The following QPRT variants were observed in gnomAD, a reference collection of about 807,000 sequenced individuals.
The protein encoded by QPRT is nicotinate-nucleotide pyrophosphorylase [carboxylating].
QPRT carries 17 observed loss-of-function variants against 19.8 expected under a neutral mutation model. The observed-to-expected ratio is 0.86, with a 90% confidence interval of 0.59 to 1.29. QPRT has a LOEUF of 1.29. Among genes scored for constraint, QPRT ranks in the 50% most tolerant of loss-of-function variants. QPRT has a pLI of 0.00. For synonymous variants in QPRT, 178 were observed against 191.0 expected (o/e 0.93, Z 0.56); for missense variants, 336 against 405.1 (o/e 0.83, Z 1.46).
At position 29,694,947 on chromosome 16, in the gene QPRT, G is replaced by T. The variant is rs753302206; in HGVS notation, c.297G>T (p.Leu99=). The T allele has an allele frequency of 5.3e-5, 85 of 1,611,578 alleles. No individual in the cohort carries two copies. The highest frequency in any genetic ancestry group is 6.3e-5 in the Non-Finnish European group (74 of 1,179,708). ...EVRGPAHCLL[L]GERVALNTLA... ...GGGGCCCTGCCCACTGCCTGCTGCT[G>T]GGGGAACGGGTGGCCCTCAACACGC... The change falls in exon 2 of 4, where the codon CTG becomes CTT. Residue 99 remains leucine, a synonymous_variant. Coordinates refer to ENST00000395384, the MANE Select transcript of QPRT (RefSeq NM_014298.6).
chr16:29,681,625 T>C (rs951344937), intron 1 of QPRT, among the ~76,000 whole-genome samples: 1 of 149,982 alleles, frequency 6.7e-6, no homozygotes, highest in Non-Finnish European at 1.5e-5. Flanking sequence ...GCCTCACGAG[T>C]AGCTGGGACT....
At chr16:29,685,910 G>T (rs981434034) in intron 1 of QPRT, among the ~76,000 whole-genome samples, 3 of 152,062 alleles carry the variant, frequency 2.0e-5, no homozygotes, top group African/African-American at 7.2e-5. Context: ...GCCTAGGCTG[G>T]AATACAATGG....
intron 2 of QPRT, 68 bp from the exon 3 acceptor site, chr16:29,696,928 G>T: frequency 6.7e-7 from 1 of 1,500,364 alleles, no homozygotes; most frequent in Non-Finnish European, 8.9e-7. Flanking sequence ...TCGCCCTCCC[G>T]GCTCCCTGCG....
chr16:29,690,736 CT>C (rs1194235147), intron 1 of QPRT, among the ~76,000 whole-genome samples: 6 of 152,250 alleles, frequency 3.9e-5, no homozygotes, highest in African/African-American at 1.4e-4. Context: ...GTGGTCCAGG[CT>C]GGAGTGCAGC....
At chr16:29,689,070 C>T (rs180786516) in intron 1 of QPRT, among the ~76,000 whole-genome samples, 11 of 152,064 alleles carry the variant, frequency 7.2e-5, no homozygotes, top group Middle Eastern at 3.4e-3. Context: ...CGTGAGCCAC[C>T]GCGCCCAGCC....
intron 1 of QPRT, among the ~76,000 whole-genome samples, chr16:29,694,408 C>T (rs549354504): frequency 3.0e-4 from 46 of 152,198 alleles, no homozygotes; most frequent in African/African-American, 9.6e-4. Context: ...CGTGAGCCAC[C>T]GCGCCCGGCC....
chr16:29,692,248 CTTATTTAT>C (rs113592039), intron 1 of QPRT, among the ~76,000 whole-genome samples: 137,019 of 151,080 alleles, frequency 0.91, 63,372 homozygotes, highest in Non-Finnish European at 1. Context: ...GTCCACTATC[CTTATTTAT>C]TTATTTATTT....
intron 1 of QPRT, among the ~76,000 whole-genome samples, chr16:29,680,400 C>T (rs971097215): frequency 2.6e-5 from 4 of 152,128 alleles, no homozygotes; most frequent in African/African-American, 9.7e-5. Flanking sequence ...AGGTCATGTT[C>T]ACTGGCCTGG....
At chr16:29,689,721 A>G (rs1243382300) in intron 1 of QPRT, among the ~76,000 whole-genome samples, 1 of 152,052 alleles carries the variant, frequency 6.6e-6, no homozygotes, top group African/African-American at 2.4e-5. Flanking sequence ...AACTGTTGTT[A>G]TCTATAGATT....
Position 29,694,690 on chromosome 16 carries a change from A to G in QPRT, c.40A>G (p.Thr14Ala). The G allele has an allele frequency of 1.3e-6, 2 of 1,550,658 alleles. No individual in the cohort carries two copies. The highest frequency in any genetic ancestry group is 1.7e-6 in the Non-Finnish European group (2 of 1,147,652). Residue 14 changes from threonine to alanine, a missense_variant, in exon 2 of 4, where the codon ACC (threonine) becomes GCC (alanine). Thr to Ala is a moderately conservative substitution (Grantham distance 58). Coordinates refer to ENST00000395384, the MANE Select transcript of QPRT (RefSeq NM_014298.6). ...EGLALLLPPV[T>A]LAALVDSWLR... ...CCTGGCGCTGCTGCTGCCGCCCGTC[A>G]CCCTGGCAGCCCTGGTGGACAGCTG...
At chr16:29,696,781 AAAAAC>A (rs1476064238) in intron 2 of QPRT, 2 of 534,004 alleles carry the variant, frequency 3.7e-6, no homozygotes, top group East Asian at 6.9e-5. Context: ...ACCCTGTCTC[AAAAAC>A]AAAACAAAGC....
chr16:29,693,200 G>A (rs971523766), intron 1 of QPRT, among the ~76,000 whole-genome samples: 1 of 151,978 alleles, frequency 6.6e-6, no homozygotes, highest in East Asian at 1.9e-4. Flanking sequence ...TCACCCTGTT[G>A]TGCTAGCAAA....
At chr16:29,685,480 A>C (rs1176723788) in intron 1 of QPRT, among the ~76,000 whole-genome samples, 2 of 152,074 alleles carry the variant, frequency 1.3e-5, no homozygotes, top group African/African-American at 2.4e-5. Context: ...AACAAAAAAA[A>C]ATTATTTGTG....
intron 1 of QPRT, among the ~76,000 whole-genome samples, chr16:29,692,976 G>A (rs1967395169): frequency 1.3e-5 from 2 of 151,606 alleles, no homozygotes; most frequent in South Asian, 4.2e-4. Context: ...CAGGCGAATC[G>A]CTTGAATCCG....
At chr16:29,689,328 CAG>C (rs1304644673) in intron 1 of QPRT, among the ~76,000 whole-genome samples, 1 of 151,982 alleles carries the variant, frequency 6.6e-6, no homozygotes. Context: ...CTCCTGACCT[CAG>C]GTGATCAACC....
At chr16:29,695,275 CCAGCCATGACCGGGTGAA>C in intron 2 of QPRT, 76 bp downstream of exon 2, 1 of 1,429,102 alleles carries the variant, frequency 7.0e-7, no homozygotes, top group Non-Finnish European at 9.2e-7. Context: ...TCCAGAGCCT[CCAGCCATGACCGGGTGAA>C]CAGCCATGGC....
chr16:29,685,308 C>T (rs547979315), intron 1 of QPRT, among the ~76,000 whole-genome samples: 37 of 151,972 alleles, frequency 2.4e-4, no homozygotes, highest in African/African-American at 8.9e-4. Flanking sequence ...CCCATCTCTA[C>T]AAAAATACAA....
At chr16:29,693,318 G>C (rs1967408832) in intron 1 of QPRT, among the ~76,000 whole-genome samples, 1 of 151,900 alleles carries the variant, frequency 6.6e-6, no homozygotes, top group Non-Finnish European at 1.5e-5. Context: ...TGTCACCCAG[G>C]CTGGAGTGCA....
chr16:29,690,080 A>G (rs530171030), intron 1 of QPRT, among the ~76,000 whole-genome samples: 23 of 152,244 alleles, frequency 1.5e-4, no homozygotes, highest in African/African-American at 4.1e-4. Flanking sequence ...CTATGTGTCC[A>G]TGTGTTCTCA....
Sources: gnomAD v4.1 joint callset for allele counts (sites outside exome capture counted in the v4.1 genomes callset) on GRCh38, gnomAD v4.1.1 for gene constraint, MANE v1.5 for transcripts, NCBI Gene and HGNC (gene_info 2026-07-23, HGNC 2026-07-21) for gene names.